GRM7: variants seen among roughly 807,000 people sequenced by gnomAD.
GRM7 encodes metabotropic glutamate receptor 7.
GRM7 carries 35 observed loss-of-function variants against 84.5 expected under a neutral mutation model. That is an observed-to-expected ratio of 0.41 (90% CI 0.32 to 0.55). The LOEUF (loss-of-function observed/expected upper bound fraction) is 0.55, where lower values mean the gene tolerates loss of function less well. Among genes scored for constraint, GRM7 ranks in the 20% least tolerant of loss-of-function variants. The probability of loss-of-function intolerance (pLI) is 0.19; values close to 1 mark genes in which losing one functional copy is unlikely to be tolerated. For synonymous variants in GRM7, 487 were observed against 455.1 expected, an observed-to-expected ratio of 1.07 and a Z score of -0.89; for missense variants, 1,003 against 1,194.6, an observed-to-expected ratio of 0.84 and a Z score of 2.36.
At chr3:7,602,945 G>A (rs1696390609) in intron 8 of GRM7, among the ~76,000 whole-genome samples, 1 of 152,154 alleles carries the variant, frequency 6.6e-6, no homozygotes. Context: ...TTTAAAAGTT[G>A]TAGGTTATTC....
At chr3:6,974,368 G>C (rs1222486648) in intron 1 of GRM7, among the ~76,000 whole-genome samples, 1 of 152,204 alleles carries the variant, frequency 6.6e-6, no homozygotes, top group African/African-American at 2.4e-5. Context: ...GGGTCCAATT[G>C]AGGACATCAA....
At chr3:7,154,047 G>T (rs1553149) in intron 2 of GRM7, among the ~76,000 whole-genome samples, 4 of 152,010 alleles carry the variant, frequency 2.6e-5, no homozygotes, top group Non-Finnish European at 5.9e-5. Context: ...GCTTGATAGC[G>T]TTTAAATACT....
At chr3:7,154,848 C>A (rs2125073315) in intron 2 of GRM7, among the ~76,000 whole-genome samples, 1 of 152,220 alleles carries the variant, frequency 6.6e-6, no homozygotes, top group East Asian at 1.9e-4. Context: ...ATGCATTCAG[C>A]CTTCAAGGTG....
intron 8 of GRM7, among the ~76,000 whole-genome samples, chr3:7,600,072 G>C (rs1450313016): frequency 6.6e-6 from 1 of 152,122 alleles, no homozygotes; most frequent in African/African-American, 2.4e-5. Context: ...TGCCATCATA[G>C]ACACAATTGC....
intron 2 of GRM7, among the ~76,000 whole-genome samples, chr3:7,213,856 C>G (rs9854317): frequency 4.5e-4 from 69 of 152,164 alleles, no homozygotes; most frequent in Admixed American, 2.6e-3. Context: ...GAGTTAGGGC[C>G]TTGGTGCTGA....
chr3:7,321,339 A>G (rs1248853648), intron 4 of GRM7, among the ~76,000 whole-genome samples: 1 of 152,056 alleles, frequency 6.6e-6, no homozygotes, highest in African/African-American at 2.4e-5. Context: ...CTTATGACCT[A>G]TGTGTAGGCA....
chr3:7,465,583 G>C (rs776968055), intron 7 of GRM7, among the ~76,000 whole-genome samples: 7 of 152,230 alleles, frequency 4.6e-5, no homozygotes, highest in Admixed American at 1.3e-4. Context: ...TCTATTAAAT[G>C]TTCTGTGAGA....
chr3:7,686,567 T>G, intron 9 of GRM7: 1 of 596,720 alleles, frequency 1.7e-6, no homozygotes, highest in South Asian at 2.2e-5. Flanking sequence ...AAGAAATGAA[T>G]TTTCAAAGAT....
chr3:7,667,911 T>C (rs546774434), intron 8 of GRM7, among the ~76,000 whole-genome samples: 2 of 150,770 alleles, frequency 1.3e-5, no homozygotes, highest in East Asian at 3.9e-4. Flanking sequence ...TGAGTTGTCA[T>C]GGCAACCATT....
chr3:7,287,512 T>A (rs1699471840), intron 2 of GRM7, among the ~76,000 whole-genome samples: 1 of 152,168 alleles, frequency 6.6e-6, no homozygotes, highest in South Asian at 2.1e-4. Flanking sequence ...AAGAATGTGA[T>A]GTTAACTAGC....
At chr3:6,890,626 T>G (rs933515515) in intron 1 of GRM7, among the ~76,000 whole-genome samples, 14 of 152,200 alleles carry the variant, frequency 9.2e-5, no homozygotes, top group Admixed American at 8.5e-4. Flanking sequence ...ATCTTTTACA[T>G]TTGCTGAGGA....
At chr3:7,116,341 A>G (rs1693031704) in intron 1 of GRM7, among the ~76,000 whole-genome samples, 1 of 152,118 alleles carries the variant, frequency 6.6e-6, no homozygotes, top group Non-Finnish European at 1.5e-5. Context: ...ATTTCCAAGC[A>G]CCATTGTAGA....
chr3:7,712,643 TTTTG>T (rs71625352), intron 9 of GRM7, among the ~76,000 whole-genome samples: 45,780 of 151,174 alleles, frequency 0.3, 7,518 homozygotes, highest in East Asian at 0.71. Flanking sequence ...TTGTTCTTTT[TTTTG>T]TTTGTTTGTT....
chr3:7,317,721 G>T (rs1575160645), intron 4 of GRM7, among the ~76,000 whole-genome samples: 1 of 151,742 alleles, frequency 6.6e-6, no homozygotes, highest in Non-Finnish European at 1.5e-5. Flanking sequence ...GGATTAAGAG[G>T]TTATTGAGAA....
intron 8 of GRM7, among the ~76,000 whole-genome samples, chr3:7,667,016 G>A (rs983353436): frequency 1.3e-5 from 2 of 151,960 alleles, no homozygotes; most frequent in South Asian, 4.2e-4. Context: ...AGACCTATGA[G>A]GTTGGAGATG....
intron 1 of GRM7, among the ~76,000 whole-genome samples, chr3:6,925,172 A>G (rs1455876316): frequency 6.6e-6 from 1 of 152,102 alleles, no homozygotes; most frequent in African/African-American, 2.4e-5. Flanking sequence ...TCTTCCTTCC[A>G]TTTCATGCTT....
chr3:7,655,944 A>T (rs990724244), intron 8 of GRM7, among the ~76,000 whole-genome samples: 6 of 152,224 alleles, frequency 3.9e-5, no homozygotes, highest in Non-Finnish European at 8.8e-5. Flanking sequence ...CTTACATGCT[A>T]TGTGATCATA....
chr3:7,195,580 T>C (rs1014826829), intron 2 of GRM7, among the ~76,000 whole-genome samples: 38 of 152,276 alleles, frequency 2.5e-4, no homozygotes, highest in African/African-American at 8.7e-4. Flanking sequence ...TTAAATTGGC[T>C]TCAAAAGTGT....
In GRM7 at chr3:7,064,467, T is replaced by TATATATATACACACAC. The variant is rs1553612637; in HGVS notation, c.520-81976_520-81975insCACACACATATATATA. On this transcript the variant is annotated intron_variant, in intron 1 of 9. Coordinates refer to ENST00000357716, the MANE Select transcript of GRM7 (RefSeq NM_000844.4). ...CCTCATGTATGGATATATATACATA[T>TATATATATACACACAC]ATATATATATATACACACATATACA... 2.7e-4 allele frequency among the ~76,000 whole-genome samples: 28 copies of TATATATATACACACAC among 105,400 alleles called. 1 individual carries two copies. Among genetic ancestry groups the TATATATATACACACAC allele is most frequent in the African/African-American group, 1.3e-3 (27 of 21,230 alleles). 69.1% of individuals were successfully genotyped at this position (105,400 alleles called of 152,430 possible).
Sources: allele counts gnomAD v4.1 joint callset (sites outside exome capture counted in the v4.1 genomes callset), GRCh38; gene constraint gnomAD v4.1.1; transcripts MANE v1.5; gene names NCBI Gene and HGNC (gene_info 2026-07-23, HGNC 2026-07-21).